Variants in AMOTL1 observed in about 807,000 individuals in gnomAD.
AMOTL1 encodes the protein angiomotin like 1.
In AMOTL1, 45 loss-of-function variants were observed where a neutral mutation model predicts 102.9. The observed-to-expected ratio is 0.44, with a 90% CI of 0.34 to 0.56. The LOEUF (loss-of-function observed/expected upper bound fraction) is 0.56, where lower values mean the gene tolerates loss of function less well. AMOTL1 is among the 20% of genes least tolerant of loss of function. The pLI is 0.01. For synonymous variants in AMOTL1, 481 were observed against 484.7 expected (o/e 0.99, Z 0.10); for missense variants, 1,114 against 1,225.6 (o/e 0.91, Z 1.36).
At chr11:94,769,106 C>T (rs1022982794) in intron 1 of AMOTL1, among the ~76,000 whole-genome samples, 50 of 152,182 alleles carry the variant, frequency 3.3e-4, no homozygotes, top group African/African-American at 1.2e-3. Flanking sequence ...ACGCTCGGAT[C>T]GCGTTAGCTG....
intron 6 of AMOTL1, among the ~76,000 whole-genome samples, chr11:94,849,489 G>A (rs779622169): frequency 3.9e-5 from 6 of 152,100 alleles, no homozygotes; most frequent in East Asian, 1.9e-4. Flanking sequence ...GGCAGTGATC[G>A]CCATCATTAC....
intron 6 of AMOTL1, among the ~76,000 whole-genome samples, chr11:94,832,365 T>C (rs1952090252): frequency 6.6e-6 from 1 of 152,230 alleles, no homozygotes; most frequent in Non-Finnish European, 1.5e-5. Flanking sequence ...GGTCTTCTGA[T>C]GTGTGGGTTC....
At chr11:94,814,964 C>G (rs774509293) in intron 3 of AMOTL1, among the ~76,000 whole-genome samples, 17 of 152,142 alleles carry the variant, frequency 1.1e-4, no homozygotes, top group Admixed American at 3.9e-4. Flanking sequence ...CATGAGAAGC[C>G]TGGTAAATTT....
At chr11:94,844,654 C>A (rs1036964497) in intron 6 of AMOTL1, among the ~76,000 whole-genome samples, 3 of 152,154 alleles carry the variant, frequency 2.0e-5, no homozygotes, top group Non-Finnish European at 4.4e-5. Context: ...AAATCAGTAG[C>A]CTATTCCCAC....
At chr11:94,865,049 T>C (rs549813242) in intron 10 of AMOTL1, among the ~76,000 whole-genome samples, 189 bp downstream of exon 10, 15 of 152,266 alleles carry the variant, frequency 9.9e-5, no homozygotes, top group African/African-American at 3.6e-4. Flanking sequence ...CACTCAGCAA[T>C]GGATCTGGTG....
chr11:94,842,413 CA>C (rs974892067), intron 6 of AMOTL1, among the ~76,000 whole-genome samples: 1 of 150,958 alleles, frequency 6.6e-6, no homozygotes, highest in East Asian at 1.9e-4. Context: ...ACCCCCACCT[CA>C]AAAAAAAAGT....
chr11:94,765,310 A>G (rs1404557233), upstream of AMOTL1, among the ~76,000 whole-genome samples: 1 of 152,204 alleles, frequency 6.6e-6, no homozygotes, highest in African/African-American at 2.4e-5. Context: ...TATTGTAAAC[A>G]TACTTTGTTT....
intron 3 of AMOTL1, among the ~76,000 whole-genome samples, chr11:94,741,252 G>C (rs2135477644): frequency 6.6e-6 from 1 of 152,120 alleles, no homozygotes; most frequent in East Asian, 1.9e-4. Flanking sequence ...GTGTGAGTGC[G>C]TGTGTGTGCG....
At chr11:94,722,061 G>A (rs1004925835) in intron 1 of AMOTL1, among the ~76,000 whole-genome samples, 1 of 152,024 alleles carries the variant, frequency 6.6e-6, no homozygotes, top group Admixed American at 6.6e-5. Context: ...CCTCTCCTGG[G>A]GTTTCCCAAC....
chr11:94,750,160 C>A (rs1269049588), intron 3 of AMOTL1, among the ~76,000 whole-genome samples: 1 of 152,148 alleles, frequency 6.6e-6, no homozygotes, highest in Non-Finnish European at 1.5e-5. Context: ...GAAATGGAGT[C>A]TTTTTAAAGG....
chr11:94,744,233 A>G (rs755372706), intron 3 of AMOTL1, among the ~76,000 whole-genome samples: 2 of 152,186 alleles, frequency 1.3e-5, no homozygotes, highest in South Asian at 2.1e-4. Flanking sequence ...TTTGGTTTCT[A>G]TAATTTACTT....
chr11:94,800,963 A>G (rs796257255), intron 3 of AMOTL1, among the ~76,000 whole-genome samples: 8 of 152,190 alleles, frequency 5.3e-5, no homozygotes, highest in African/African-American at 1.9e-4. Context: ...TGTATGCTGT[A>G]CTCTGAAGCC....
At chr11:94,767,887 G>A (rs1308634912), upstream of AMOTL1, among the ~76,000 whole-genome samples, 3 of 152,130 alleles carry the variant, frequency 2.0e-5, no homozygotes, top group Non-Finnish European at 4.4e-5. Flanking sequence ...GCAGCTTATC[G>A]CCCAATCTCA....
chr11:94,851,485 A>G (rs1168166483), intron 7 of AMOTL1, among the ~76,000 whole-genome samples: 3 of 152,222 alleles, frequency 2.0e-5, no homozygotes, highest in Non-Finnish European at 4.4e-5. Flanking sequence ...GTCTGCTTCC[A>G]GCATCACTCC....
rs559978271 is a variant in AMOTL1 at position 94,787,047 on chromosome 11, G to A, written c.50-7964G>A. Among the ~76,000 whole-genome samples, 3 of 152,124 alleles carry A rather than the reference G, an allele frequency of 2.0e-5. No homozygotes were observed. The East Asian group carries it at 5.8e-4, about 29-fold the overall frequency. On this transcript the variant is annotated intron_variant, in intron 1 of 12. Transcript: ENST00000433060. The stretch of plus-strand genomic sequence containing the variant: ...GTTGTTATAAACTTATGAGTTAAGG[G>A]GGGAGGGGTGGGAAAGAAACTAAAT...
chr11:94,806,874 A>G (rs2135587341), intron 3 of AMOTL1, among the ~76,000 whole-genome samples: 1 of 152,298 alleles, frequency 6.6e-6, no homozygotes, highest in East Asian at 1.9e-4. Flanking sequence ...AGGTGTCTAC[A>G]TGACCAAAGG....
At chr11:94,713,914 T>C (rs1247898682) in intron 1 of AMOTL1, among the ~76,000 whole-genome samples, 1 of 152,024 alleles carries the variant, frequency 6.6e-6, no homozygotes. Context: ...TTGCACTGGC[T>C]AGACCTCTCA....
At chr11:94,849,837 A>G (rs1471508841) in intron 6 of AMOTL1, among the ~76,000 whole-genome samples, 1 of 152,214 alleles carries the variant, frequency 6.6e-6, no homozygotes, top group Non-Finnish European at 1.5e-5. Context: ...ATGAAAGTCA[A>G]TGTTGTAGAG....
chr11:94,830,113 C>T lies in AMOTL1; in HGVS notation c.1477C>T (p.Arg493Ter), dbSNP rs1304917909. ...YESLVKSTTKRESLDKAMRNK... is the reference protein window; with the variant it reads ...YESLVKSTTK ...AAGTCTGGTCAAGTCTACCACCAAG[C>T]GAGAATCGCTGGACAAGGCCATGAG... The change falls in exon 5 of 13, where the codon CGA becomes TGA. Residue 493 changes from arginine to a stop codon, truncating the protein, a stop_gained. Coordinates refer to ENST00000433060, the MANE Select transcript of AMOTL1 (RefSeq NM_130847.3). LOFTEE classifies it high-confidence loss of function. 6.2e-7 allele frequency: 1 copy of T among 1,610,314 alleles called. No individual in the cohort carries two copies. Among genetic ancestry groups the T allele is most frequent in the Non-Finnish European group, 8.5e-7 (1 of 1,178,206 alleles).
Sources: gnomAD v4.1 joint callset for allele counts (sites outside exome capture counted in the v4.1 genomes callset) on GRCh38, gnomAD v4.1.1 for gene constraint, MANE v1.5 for transcripts, NCBI Gene and HGNC (gene_info 2026-07-23, HGNC 2026-07-21) for gene names.